ZFAT: variants seen among roughly 807,000 people sequenced by gnomAD.
The protein encoded by ZFAT is zinc finger protein ZFAT.
ZFAT carries 64 observed loss-of-function variants against 117.7 expected under a neutral mutation model. The observed-to-expected ratio is 0.54, with a 90% CI of 0.44 to 0.67. ZFAT has a LOEUF of 0.67. Ranked by LOEUF, ZFAT falls within the 30% of genes least tolerant of loss-of-function variation. ZFAT has a pLI of 0.00. For missense variants in ZFAT, 1,433 were observed against 1,584.5 expected (o/e 0.90, Z 1.62); for synonymous variants, 679 against 615.0 (o/e 1.10, Z -1.54).
chr8:134,662,396 G>A (rs1184911758), intron 1 of ZFAT, among the ~76,000 whole-genome samples: 16 of 152,188 alleles, frequency 1.1e-4, no homozygotes, highest in African/African-American at 2.7e-4. Flanking sequence ...GGGAGAAGGT[G>A]GAAGAGAAGA....
intron 1 of ZFAT, among the ~76,000 whole-genome samples, chr8:134,689,262 C>T (rs1243045186): frequency 1.3e-5 from 2 of 152,246 alleles, no homozygotes; most frequent in African/African-American, 2.4e-5. Context: ...CCTTAATTAG[C>T]ACGTCATTGA....
chr8:134,734,001 G>A, the ZFAT span, among the ~76,000 whole-genome samples: 1 of 152,208 alleles, frequency 6.6e-6, no homozygotes, highest in Non-Finnish European at 1.5e-5. Context: ...TGAGATCCCT[G>A]GATGAAACCC....
At chr8:134,798,145 G>C in the ZFAT span, 3 of 151,966 alleles carry the variant, frequency 2.0e-5, no homozygotes, top group Non-Finnish European at 4.4e-5. Context: ...GGAAATCGAT[G>C]ACAAGAGAAA....
chr8:134,593,850 G>C (rs1826709416), intron 7 of ZFAT, among the ~76,000 whole-genome samples: 1 of 152,238 alleles, frequency 6.6e-6, no homozygotes, highest in Non-Finnish European at 1.5e-5. Flanking sequence ...TTATGTGTCA[G>C]GCGCTGCAAT....
At chr8:134,596,859 A>G (rs1826981439) in intron 7 of ZFAT, among the ~76,000 whole-genome samples, 1 of 152,162 alleles carries the variant, frequency 6.6e-6, no homozygotes, top group Non-Finnish European at 1.5e-5. Context: ...TAGAGAGTAG[A>G]TTAGTGGCTG....
Position 134,588,317 on chromosome 8 carries a change from T to C in ZFAT, c.2642A>G (p.Lys881Arg), listed in dbSNP as rs371398241. ...GAAATAAAAGTCACAATATGGGCAT[T>C]TCATGGCTCTCTTTCCAATTAGCCC... The part of the protein sequence containing the change: ...LKGLIGKRAM[K>R]CPYCDFYFMK... Residue 881 changes from lysine (K) to arginine (R), a missense_variant, in exon 9 of 16, where the codon AAA becomes AGA. Physicochemically the swap from Lys to Arg is conservative, Grantham distance 26. Coordinates refer to ENST00000377838, the MANE Select transcript of ZFAT (RefSeq NM_020863.4). 2 of 1,587,084 alleles carry C rather than the reference T, an allele frequency of 1.3e-6. No individual in the cohort carries two copies. The highest frequency in any genetic ancestry group is 1.7e-6 in the Non-Finnish European group (2 of 1,165,734).
intron 2 of ZFAT, among the ~76,000 whole-genome samples, chr8:134,654,874 T>C (rs1368041057): frequency 6.6e-6 from 1 of 152,028 alleles, no homozygotes; most frequent in Admixed American, 6.6e-5. Context: ...AAGAGAAACA[T>C]AGAGACAAAT....
chr8:134,521,994 T>C (rs571862376), intron 12 of ZFAT, among the ~76,000 whole-genome samples: 1 of 152,336 alleles, frequency 6.6e-6, no homozygotes, highest in Admixed American at 6.5e-5. Context: ...TTCTCTGTGG[T>C]CCACATGGTC....
intron 10 of ZFAT, among the ~76,000 whole-genome samples, chr8:134,579,956 C>CAA (rs149153004): frequency 0.2 from 22,999 of 114,822 alleles, 2,195 homozygotes; most frequent in Admixed American, 0.26. Flanking sequence ...ACACAGGGAA[C>CAA]AAAAAAAAAA....
intron 15 of ZFAT, among the ~76,000 whole-genome samples, chr8:134,494,415 C>T (rs1351285641): frequency 6.6e-6 from 1 of 152,174 alleles, no homozygotes; most frequent in East Asian, 1.9e-4. Context: ...CGATCCGCTG[C>T]CCTTTAGTGG....
the ZFAT span, among the ~76,000 whole-genome samples, chr8:134,822,220 T>C: frequency 7.9e-5 from 12 of 152,298 alleles, no homozygotes; most frequent in Admixed American, 7.2e-4. Context: ...ATTAGTATAC[T>C]GACCAATCGT....
Position 134,532,769 on chromosome 8 carries a change from T to C in ZFAT, c.3115+65A>G, listed in dbSNP as rs1821515696. On this transcript the variant is annotated intron_variant, in intron 12 of 15. Transcript: ENST00000377838. ...TGAACTGCAGGATGTCAGCAGCTCT[T>C]CCCAATGGGGGACTTGGCCTAAAAG... is the stretch of plus-strand genomic sequence containing the variant. The C allele has an allele frequency of 2.0e-5, 31 of 1,579,244 alleles. 1 individual carries two copies. In the South Asian group the frequency reaches 3.3e-4, roughly 17 times the overall value.
chr8:134,725,035 C>T, the ZFAT span, among the ~76,000 whole-genome samples: 7 of 152,150 alleles, frequency 4.6e-5, no homozygotes, highest in Non-Finnish European at 1.0e-4. Flanking sequence ...CCCCCATCTG[C>T]TCCTACCCCT....
chr8:134,618,406 G>T (rs1828889412), intron 3 of ZFAT, among the ~76,000 whole-genome samples: 1 of 152,114 alleles, frequency 6.6e-6, no homozygotes, highest in Non-Finnish European at 1.5e-5. Flanking sequence ...GAATGAGGCG[G>T]GGAGTCACAC....
intron 7 of ZFAT, chr8:134,600,066 A>AC: frequency 2.9e-6 from 1 of 348,508 alleles, no homozygotes; most frequent in Non-Finnish European, 5.5e-6. Flanking sequence ...ATCTAATTCA[A>AC]CCTCTCAACC....
At chr8:134,738,759 G>A in the ZFAT span, among the ~76,000 whole-genome samples, 8,561 of 152,212 alleles carry the variant, frequency 0.056, 372 homozygotes, top group African/African-American at 0.11. Context: ...GGAAGCAGAG[G>A]GGCTGAATTC....
intron 9 of ZFAT, 40 bp from the exon 10 acceptor site, chr8:134,584,045 T>C (rs1825893915): frequency 2.6e-6 from 4 of 1,533,384 alleles, no homozygotes; most frequent in South Asian, 2.4e-5. Context: ...TATATTTACA[T>C]ACGTTTATGC....
At chr8:134,608,655 G>C in intron 5 of ZFAT, 74 bp downstream of exon 5, 6 of 1,524,804 alleles carry the variant, frequency 3.9e-6, no homozygotes, top group Non-Finnish European at 5.3e-6. Flanking sequence ...CAAGCATGCT[G>C]ATCCTTCCTG....
Position 134,620,101 on chromosome 8 carries a change from A to G in ZFAT, c.449-9446T>C, listed in dbSNP as rs1395519635. Reference sequence around the variant, plus strand: ...AACAGAGGGGCCTGGCTAGTGGACTATAAGTGGTTTCAATAAAAGGCATTT... The same window carrying G: ...AACAGAGGGGCCTGGCTAGTGGACTGTAAGTGGTTTCAATAAAAGGCATTT... On this transcript the variant is annotated intron_variant, in intron 3 of 15. Coordinates refer to ENST00000377838, the MANE Select transcript of ZFAT (RefSeq NM_020863.4). 2.0e-5 allele frequency among the ~76,000 whole-genome samples: 3 copies of G among 152,338 alleles called. No individual in the cohort carries two copies. In the South Asian group the frequency reaches 6.2e-4, roughly 32 times the overall value.
Sources: allele counts gnomAD v4.1 joint callset (sites outside exome capture counted in the v4.1 genomes callset), GRCh38; gene constraint gnomAD v4.1.1; transcripts MANE v1.5; gene names NCBI Gene and HGNC (gene_info 2026-07-23, HGNC 2026-07-21).